TIGAR: variants seen among roughly 807,000 people sequenced by gnomAD.
TIGAR encodes TP53 induced glycolysis regulatory phosphatase, also known as fructose-2,6-bisphosphatase TIGAR.
Under a neutral mutation model 17.9 loss-of-function variants are expected in TIGAR, and 7 were observed. The observed-to-expected ratio is 0.39, with a 90% CI of 0.22 to 0.73. The LOEUF (loss-of-function observed/expected upper bound fraction) is 0.73, where lower values mean the gene tolerates loss of function less well. TIGAR is among the 30% of genes least tolerant of loss of function. TIGAR has a pLI of 0.42. For synonymous variants in TIGAR, 94 were observed against 108.6 expected, an observed-to-expected ratio of 0.87 and a Z score of 0.84; for missense variants, 258 against 327.4, an observed-to-expected ratio of 0.79 and a Z score of 1.64.
chr12:4,342,686 T>A (rs1266368747), intron 3 of TIGAR, among the ~76,000 whole-genome samples: 1 of 152,156 alleles, frequency 6.6e-6, no homozygotes, highest in African/African-American at 2.4e-5. Flanking sequence ...AAGCAAATGC[T>A]GAGAGATTTC....
At chr12:4,338,101 G>A (rs1864680534) in intron 3 of TIGAR, among the ~76,000 whole-genome samples, 1 of 151,836 alleles carries the variant, frequency 6.6e-6, no homozygotes, top group African/African-American at 2.4e-5. Flanking sequence ...TTGCATGGTT[G>A]GGCTACAGAG....
intron 2 of TIGAR, among the ~76,000 whole-genome samples, chr12:4,331,749 T>C (rs745633914): frequency 6.6e-6 from 1 of 152,240 alleles, no homozygotes; most frequent in Non-Finnish European, 1.5e-5. Context: ...TATTTTCACA[T>C]GTGGTCGTTA....
intron 2 of TIGAR, among the ~76,000 whole-genome samples, chr12:4,334,337 G>A (rs115603116): frequency 0.018 from 2,776 of 152,200 alleles, 72 homozygotes; most frequent in African/African-American, 0.063. Flanking sequence ...GAGATAGATT[G>A]AGAACACTTA....
Position 4,359,142 on chromosome 12 carries a change from C to CT in TIGAR, c.*6452dup. On this transcript the variant is annotated 3_prime_UTR_variant, in exon 6 of 6. Transcript: ENST00000179259. ...TCTTTAGCCAACTCACGCCATGACTCTACTTTTGCTTCTATGTTTATTAGT... is the reference window on the plus strand; with the variant it reads ...TCTTTAGCCAACTCACGCCATGACTCTTACTTTTGCTTCTATGTTTATTAGT... Among the ~76,000 whole-genome samples the CT allele has an allele frequency of 6.6e-6, 1 of 150,962 alleles. No individual in the cohort carries two copies. Among genetic ancestry groups the CT allele is most frequent in the Non-Finnish European group, 1.5e-5 (1 of 67,844 alleles).
chr12:4,325,822 T>TATTA (rs1864540873), intron 1 of TIGAR, among the ~76,000 whole-genome samples: 2 of 152,154 alleles, frequency 1.3e-5, no homozygotes, highest in Admixed American at 1.3e-4. Flanking sequence ...CAAATGAATG[T>TATTA]ATTAGTGTAA....
At chr12:4,324,740 C>A in intron 1 of TIGAR, 1 of 661,916 alleles carries the variant, frequency 1.5e-6, no homozygotes. Context: ...TCCCGTCCCG[C>A]AGCTGGTCCA....
rs554394609 is a variant in TIGAR at position 4,352,569 on chromosome 12, C to G, written c.691C>G (p.Pro231Ala). The part of the protein sequence containing the change: ...LSRSELMSVT[P>A]NTGMSLFIIN... ...CAGATCTGAACTTATGTCAGTCACT[C>G]CCAATACAGGGATGAGTCTCTTTAT... The change falls in exon 6 of 6, where the codon CCC (proline) becomes GCC (alanine). Residue 231 changes from proline (P) to alanine (A), a missense_variant. Coordinates refer to ENST00000179259, the MANE Select transcript of TIGAR (RefSeq NM_020375.3). 6.2e-7 allele frequency: 1 copy of G among 1,613,870 alleles called. No individual in the cohort carries two copies. The highest frequency in any genetic ancestry group is 8.5e-7 in the Non-Finnish European group (1 of 1,180,014).
At chr12:4,350,316 C>T (rs544713356) in intron 4 of TIGAR, among the ~76,000 whole-genome samples, 195 of 152,242 alleles carry the variant, frequency 1.3e-3, no homozygotes, top group Middle Eastern at 3.4e-3. Context: ...TGGACATCGG[C>T]GAGTGTGTAC....
intron 3 of TIGAR, among the ~76,000 whole-genome samples, chr12:4,348,442 C>A (rs927148310): frequency 1.3e-5 from 2 of 152,176 alleles, no homozygotes; most frequent in African/African-American, 4.8e-5. Flanking sequence ...ATTAGTTAGG[C>A]TGTCAGCAAA....
intron 1 of TIGAR, chr12:4,324,662 G>A: frequency 1.7e-6 from 2 of 1,202,122 alleles, no homozygotes; most frequent in Non-Finnish European, 2.4e-6. Context: ...TGTTTCCGCC[G>A]CAGGCCCGGG....
chr12:4,344,398 A>G lies in TIGAR; in HGVS notation c.193-5421A>G, dbSNP rs557499851. 9.3e-3 allele frequency among the ~76,000 whole-genome samples: 1,419 copies of G among 152,304 alleles called. 18 individuals carry two copies. The highest frequency in any genetic ancestry group is 0.032 in the African/African-American group (1,311 of 41,552). ...TTTATGAGGCCAGCATCATCCTGAT[A>G]CCAAAGCCTGGCAGAGACACAACAA... is the stretch of plus-strand genomic sequence containing the variant. On this transcript the variant is annotated intron_variant, in intron 3 of 5. Transcript: ENST00000179259.
At chr12:4,332,723 A>G (rs559897621) in intron 2 of TIGAR, among the ~76,000 whole-genome samples, 1 of 152,194 alleles carries the variant, frequency 6.6e-6, no homozygotes, top group South Asian at 2.1e-4. Flanking sequence ...AAATGTGTTA[A>G]TTATGGTCAG....
intron 3 of TIGAR, among the ~76,000 whole-genome samples, chr12:4,347,896 G>A (rs1864798156): frequency 6.6e-6 from 1 of 152,166 alleles, no homozygotes; most frequent in Admixed American, 6.5e-5. Context: ...AGCACTTTGG[G>A]AGGCCGAAGC....
intron 2 of TIGAR, among the ~76,000 whole-genome samples, chr12:4,335,981 T>A (rs1864654161): frequency 6.6e-6 from 1 of 152,262 alleles, no homozygotes; most frequent in Non-Finnish European, 1.5e-5. Context: ...GTTACTTGCT[T>A]ATTTTTGTGA....
intron 5 of TIGAR, among the ~76,000 whole-genome samples, chr12:4,351,857 A>G (rs1032334601): frequency 2.6e-5 from 4 of 152,208 alleles, no homozygotes; most frequent in Admixed American, 6.5e-5. Context: ...TTTCTTGAAA[A>G]TACTTTCCAT....
intron 3 of TIGAR, among the ~76,000 whole-genome samples, chr12:4,347,749 A>G (rs1413135944): frequency 6.6e-6 from 1 of 152,218 alleles, no homozygotes; most frequent in African/African-American, 2.4e-5. Flanking sequence ...CCTCAGTGGA[A>G]GTACTGAAGT....
rs1591657321 is a variant in TIGAR at position 4,321,666 on chromosome 12, C to T, written c.32+363C>T. On this transcript the variant is annotated intron_variant, in intron 1 of 5. Transcript: ENST00000179259. The surrounding 1 kb of genome is among the most constrained non-coding windows in gnomAD (Gnocchi z 5.2). ...ACCGATTTTGCTCCCCAGCAGATTG[C>T]AAAGAGTTTGCAGAATTGCTCGTCC... is the stretch of plus-strand genomic sequence containing the variant. Among the ~76,000 whole-genome samples, 3 of 152,302 alleles carry T rather than the reference C, an allele frequency of 2.0e-5. 1 individual carries two copies. The East Asian group carries it at 5.8e-4, about 29-fold the overall frequency.
In TIGAR at chr12:4,321,689, T is replaced by C. The variant is rs1591657338; in HGVS notation, c.32+386T>C. ...TGCAAAGAGTTTGCAGAATTGCTCG[T>C]CCATGGCTGATGTTTTTGATGCCGG... On this transcript the variant is annotated intron_variant, in intron 1 of 5. Transcript: ENST00000179259. This position sits in a 1 kb window ranked among gnomAD's most constrained non-coding sequence, Gnocchi z 5.2. Among the ~76,000 whole-genome samples, 2 of 152,200 alleles carry C rather than the reference T, an allele frequency of 1.3e-5. No individual in the cohort carries two copies. Among genetic ancestry groups the C allele is most frequent in the East Asian group, 3.9e-4 (2 of 5,186 alleles).
At chr12:4,343,638 A>T (rs1668959624) in intron 3 of TIGAR, among the ~76,000 whole-genome samples, 1 of 152,266 alleles carries the variant, frequency 6.6e-6, no homozygotes, top group African/African-American at 2.4e-5. Flanking sequence ...TACTGGGTAC[A>T]TAACGAAATG....
Sources: allele counts gnomAD v4.1 joint callset (sites outside exome capture counted in the v4.1 genomes callset), GRCh38; gene constraint gnomAD v4.1.1; non-coding constraint Gnocchi (gnomAD v3.1); transcripts MANE v1.5; gene names NCBI Gene and HGNC (gene_info 2026-07-23, HGNC 2026-07-21).